Variants in CALN1 observed in about 807,000 individuals in gnomAD.
CALN1 encodes the protein calcium-binding protein 8.
CALN1 carries 17 observed loss-of-function variants against 30.6 expected under a neutral mutation model. The observed-to-expected ratio is 0.56, with a 90% CI of 0.38 to 0.83. CALN1 has a LOEUF of 0.83. CALN1 is among the 40% of genes least tolerant of loss of function. CALN1 has a pLI of 0.00. For missense variants in CALN1, 291 were observed against 354.9 expected, an observed-to-expected ratio of 0.82 and a Z score of 1.45; for synonymous variants, 156 against 131.4, an observed-to-expected ratio of 1.19 and a Z score of -1.28.
chr7:72,399,135 G>A (rs1806169854), intron 2 of CALN1, among the ~76,000 whole-genome samples: 1 of 152,142 alleles, frequency 6.6e-6, no homozygotes, highest in Non-Finnish European at 1.5e-5. Context: ...GCAAAGACAG[G>A]AGCGGACAAT....
intron 4 of CALN1, among the ~76,000 whole-genome samples, chr7:72,031,338 G>A (rs750666912): frequency 2.0e-5 from 3 of 152,198 alleles, no homozygotes; most frequent in East Asian, 3.8e-4. Flanking sequence ...ATTTCAGAGA[G>A]TAATAATAAA....
intron 3 of CALN1, among the ~76,000 whole-genome samples, chr7:72,265,328 A>G (rs977844111): frequency 1.3e-5 from 2 of 152,200 alleles, no homozygotes; most frequent in Non-Finnish European, 2.9e-5. Flanking sequence ...GTGAAGAGAG[A>G]AGACCAGTGA....
upstream of CALN1, among the ~76,000 whole-genome samples, chr7:72,448,520 CCTCACAATAG>C (rs1808588303): frequency 6.6e-6 from 1 of 152,132 alleles, no homozygotes; most frequent in Admixed American, 6.5e-5. Context: ...CACACCTCAT[CCTCACAATAG>C]CTCATTGCAC....
At chr7:71,834,201 G>A (rs1249475118) in intron 5 of CALN1, among the ~76,000 whole-genome samples, 1 of 113,792 alleles carries the variant, frequency 8.8e-6, no homozygotes, top group African/African-American at 3.4e-5. Context: ...CCTGGTGACA[G>A]AGCGAGACTC....
At chr7:72,427,243 T>C (rs934432468) in intron 1 of CALN1, among the ~76,000 whole-genome samples, 4 of 152,274 alleles carry the variant, frequency 2.6e-5, no homozygotes, top group South Asian at 2.1e-4. Flanking sequence ...CCCAAAGTGC[T>C]GGGATTACAG....
intron 4 of CALN1, among the ~76,000 whole-genome samples, chr7:72,043,685 C>A (rs1437139443): frequency 6.6e-6 from 1 of 152,110 alleles, no homozygotes; most frequent in East Asian, 1.9e-4. Flanking sequence ...GCAGAAGGAT[C>A]GCTTGAGCCC....
At chr7:72,107,302 C>A (rs1203566779) in intron 3 of CALN1, among the ~76,000 whole-genome samples, 2 of 152,188 alleles carry the variant, frequency 1.3e-5, no homozygotes, top group Non-Finnish European at 2.9e-5. Flanking sequence ...GCTCTTCCAG[C>A]CTCATAGGAG....
At chr7:72,150,576 C>A (rs1277611967) in intron 3 of CALN1, among the ~76,000 whole-genome samples, 1 of 152,156 alleles carries the variant, frequency 6.6e-6, no homozygotes, top group Non-Finnish European at 1.5e-5. Flanking sequence ...AATGGAGTGG[C>A]AGAGCTGCCT....
chr7:72,090,311 A>G (rs1389928477), intron 4 of CALN1, among the ~76,000 whole-genome samples: 1 of 152,228 alleles, frequency 6.6e-6, no homozygotes, highest in East Asian at 1.9e-4. Flanking sequence ...AGAAAGGAGA[A>G]AAGTAAAATG....
intron 5 of CALN1, among the ~76,000 whole-genome samples, chr7:71,898,886 A>C (rs1793694890): frequency 6.6e-6 from 1 of 152,332 alleles, no homozygotes. Context: ...TGAGAAAGTG[A>C]CTGCTTGCTT....
intron 3 of CALN1, among the ~76,000 whole-genome samples, chr7:72,209,061 C>T (rs1792123359): frequency 7.0e-6 from 1 of 142,522 alleles, no homozygotes; most frequent in Non-Finnish European, 1.5e-5. Context: ...CTCCTTCCCT[C>T]CATCCTGTCC....
At chr7:71,934,281 GAA>G in intron 5 of CALN1, among the ~76,000 whole-genome samples, 1 of 152,198 alleles carries the variant, frequency 6.6e-6, no homozygotes, top group Non-Finnish European at 1.5e-5. Context: ...GTGGAATAGA[GAA>G]AACTGTGGAA....
intron 3 of CALN1, among the ~76,000 whole-genome samples, chr7:72,188,618 T>A (rs140430502): frequency 2.5e-4 from 38 of 152,250 alleles, no homozygotes; most frequent in Non-Finnish European, 5.0e-4. Context: ...GCTCAGGTGA[T>A]GGGTGCACCA....
At chr7:72,488,460 C>A in the CALN1 span, among the ~76,000 whole-genome samples, 2 of 152,162 alleles carry the variant, frequency 1.3e-5, no homozygotes, top group East Asian at 3.9e-4. Flanking sequence ...CTAAAGTTCA[C>A]TCTCCCTTTC....
intron 6 of CALN1, among the ~76,000 whole-genome samples, chr7:71,806,250 GCACACA>G (rs748073948): frequency 4.3e-4 from 47 of 109,162 alleles, no homozygotes; most frequent in African/African-American, 2.2e-3. Flanking sequence ...GTGCACGCAT[GCACACA>G]CACACACACA....
At chr7:71,873,057 G>A (rs1792035770) in intron 5 of CALN1, among the ~76,000 whole-genome samples, 1 of 141,748 alleles carries the variant, frequency 7.1e-6, no homozygotes, top group Non-Finnish European at 1.5e-5. Context: ...AGTCTGGAGT[G>A]CAGTGGCGCG....
In CALN1 at chr7:72,109,949, G is replaced by GC. The variant is rs1395542130; in HGVS notation, c.245-3656dup. On this transcript the variant is annotated intron_variant, in intron 3 of 6. Coordinates refer to ENST00000395275, the MANE Select transcript of CALN1 (RefSeq NM_031468.4). ...TTACACTGGGGCCAGGACATACGATGCAACAGTAGGAAGTGTCAGAGGATG... is the reference window on the plus strand; with the variant it reads ...TTACACTGGGGCCAGGACATACGATGCCAACAGTAGGAAGTGTCAGAGGATG... Among the ~76,000 whole-genome samples, 8 of 152,322 alleles carry GC rather than the reference G, an allele frequency of 5.3e-5. No homozygotes were observed. In the East Asian group the frequency reaches 1.4e-3, roughly 26 times the overall value.
intron 6 of CALN1, among the ~76,000 whole-genome samples, chr7:71,792,101 C>G (rs529441106): frequency 1.3e-5 from 2 of 152,186 alleles, no homozygotes; most frequent in Non-Finnish European, 2.9e-5. Context: ...GTGTGGTGGA[C>G]AGAGCTGCGA....
chr7:71,806,246 G>A lies in CALN1; in HGVS notation c.658+4090C>T, dbSNP rs533864485. Reference sequence around the variant, plus strand: ...AGAAGCCAGGTGTGCACATGTGCACGCATGCACACACACACACACACACAA... The same window carrying A: ...AGAAGCCAGGTGTGCACATGTGCACACATGCACACACACACACACACACAA... On this transcript the variant is annotated intron_variant, in intron 6 of 6. Transcript: ENST00000395275. Among the ~76,000 whole-genome samples the A allele has an allele frequency of 1.4e-4, 16 of 115,586 alleles. No individual in the cohort carries two copies. The South Asian group carries it at 1.6e-3, about 12-fold the overall frequency. 75.8% of individuals were successfully genotyped at this position (115,586 alleles called of 152,430 possible). A position where few individuals can be genotyped will look rare whatever the true frequency, so the allele number is the denominator to read the frequency against.
Sources: allele counts gnomAD v4.1 joint callset (sites outside exome capture counted in the v4.1 genomes callset), GRCh38; gene constraint gnomAD v4.1.1; transcripts MANE v1.5; gene names NCBI Gene and HGNC (gene_info 2026-07-23, HGNC 2026-07-21).